Variants in CCDC18 observed in about 807,000 individuals in gnomAD.
CCDC18 encodes coiled-coil domain-containing protein 18.
CCDC18 carries 157 observed loss-of-function variants against 196.0 expected under a neutral mutation model. The ratio of observed to expected loss-of-function variants is 0.80; its 90% CI spans 0.70 to 0.91. CCDC18 has a LOEUF of 0.91. Among genes scored for constraint, CCDC18 ranks in the 40% least tolerant of loss-of-function variants. The pLI, the probability that CCDC18 is intolerant of heterozygous loss-of-function variation, is 0.00. For missense variants in CCDC18, 1,465 were observed against 1,611.6 expected (o/e 0.91, Z 1.56); for synonymous variants, 482 against 529.2 (o/e 0.91, Z 1.22).
rs564432513 is a variant in CCDC18 at position 93,248,424 on chromosome 1, A to G, written c.3198+1470A>G. ...TTTAATTTTAATATGAAATTATTAT[A>G]TGGTTTTTGTCCTTGATTCTGTTGA... On this transcript the variant is annotated intron_variant, in intron 23 of 28. Coordinates refer to ENST00000690025, the MANE Select transcript of CCDC18 (RefSeq NM_001378204.1). Among the ~76,000 whole-genome samples the G allele has an allele frequency of 5.3e-4, 80 of 152,284 alleles. 1 individual carries two copies. The highest frequency in any genetic ancestry group is 5.6e-4 in the Non-Finnish European group (38 of 68,026).
intron 28 of CCDC18, among the ~76,000 whole-genome samples, chr1:93,277,392 A>G (rs368595138): frequency 0.028 from 1,932 of 68,778 alleles, 50 homozygotes; most frequent in African/African-American, 0.052. Flanking sequence ...ATTTCAGACT[A>G]TCACATGGGG....
In CCDC18 at chr1:93,264,619, G is replaced by A. The variant is rs372095571; in HGVS notation, c.3685-82G>A. 136 of 759,942 alleles carry A rather than the reference G, an allele frequency of 1.8e-4. 2 individuals are homozygous for A. The East Asian group carries it at 2.1e-3, about 12-fold the overall frequency. 47.1% of individuals were successfully genotyped at this position (759,942 alleles called of 1,614,324 possible). On this transcript the variant is annotated intron_variant, in intron 26 of 28. Coordinates refer to ENST00000690025, the MANE Select transcript of CCDC18 (RefSeq NM_001378204.1). ...TTTTTTAAAGAAAAAGTAAATAAAA[G>A]TAGAAAGCATTAGACTGTTGTCGAA...
chr1:93,181,705 T>A (rs1176381338), intron 1 of CCDC18, among the ~76,000 whole-genome samples: 2 of 151,994 alleles, frequency 1.3e-5, no homozygotes, highest in Non-Finnish European at 2.9e-5. Flanking sequence ...AACCTCCGCC[T>A]CCCAGGTTCA....
At chr1:93,254,693 G>A in intron 24 of CCDC18, 79 bp downstream of exon 24, 1 of 1,345,446 alleles carries the variant, frequency 7.4e-7, no homozygotes, top group Admixed American at 2.1e-5. Flanking sequence ...TAAACTGGTT[G>A]GTTTTAATAT....
In CCDC18 at chr1:93,192,024, C is replaced by G. The variant is rs201703475; in HGVS notation, c.487C>G (p.Gln163Glu). ...GGTTTCTATGCTTGAGTCTGCTCAACAGCAGGCAGCCAGTGTCCCAATCTT... is the reference window on the plus strand; with the variant it reads ...GGTTTCTATGCTTGAGTCTGCTCAAGAGCAGGCAGCCAGTGTCCCAATCTT... ...AKVSMLESAQ[Q>E]QAASVPILEE... Residue 163 changes from glutamine (Q) to glutamate (E), a missense_variant, in exon 5 of 29, where the codon CAG becomes GAG. Transcript: ENST00000690025. 1.2e-5 allele frequency: 19 copies of G among 1,613,358 alleles called. No homozygotes were observed. In the African/African-American group the frequency reaches 2.5e-4, roughly 22 times the overall value.
intron 23 of CCDC18, among the ~76,000 whole-genome samples, chr1:93,247,319 A>G (rs1315089467): frequency 6.6e-6 from 1 of 151,952 alleles, no homozygotes; most frequent in Non-Finnish European, 1.5e-5. Context: ...TCTTTTTCAC[A>G]TTGATTGCTT....
intron 1 of CCDC18, 28 bp from the exon 2 acceptor site, chr1:93,183,332 G>C (rs180794644): frequency 1.0e-5 from 15 of 1,467,050 alleles, no homozygotes; most frequent in Non-Finnish European, 1.4e-5. Flanking sequence ...TTTCAGACAA[G>C]GTACAAGAAA....
chr1:93,200,222 G>C (rs929134755), intron 6 of CCDC18, among the ~76,000 whole-genome samples: 2 of 151,822 alleles, frequency 1.3e-5, no homozygotes, highest in African/African-American at 4.8e-5. Context: ...CAATCCTCCT[G>C]GCTCAGCCTT....
At chr1:93,238,919 C>T (rs1347413620) in intron 19 of CCDC18, among the ~76,000 whole-genome samples, 2 of 152,148 alleles carry the variant, frequency 1.3e-5, no homozygotes, top group Non-Finnish European at 2.9e-5. Flanking sequence ...TGACTTGGCT[C>T]TCCAGTGAGT....
chr1:93,228,277 G>A (rs907220702), intron 17 of CCDC18, among the ~76,000 whole-genome samples: 1 of 152,020 alleles, frequency 6.6e-6, no homozygotes, highest in African/African-American at 2.4e-5. Flanking sequence ...AAGAAAAAAG[G>A]TCTGTCCAAT....
At chr1:93,189,345 G>A (rs1651317785) in intron 4 of CCDC18, among the ~76,000 whole-genome samples, 2 of 152,180 alleles carry the variant, frequency 1.3e-5, no homozygotes. Flanking sequence ...CATTGTGTAA[G>A]TACTACATTT....
chr1:93,251,119 A>T (rs1456488935), intron 23 of CCDC18, among the ~76,000 whole-genome samples: 2 of 152,106 alleles, frequency 1.3e-5, no homozygotes, highest in African/African-American at 4.8e-5. Flanking sequence ...TGTATCTCTC[A>T]CAGGTTTTTG....
intron 4 of CCDC18, among the ~76,000 whole-genome samples, chr1:93,191,779 T>C (rs970740407): frequency 6.6e-6 from 1 of 152,190 alleles, no homozygotes; most frequent in African/African-American, 2.4e-5. Context: ...AACTCTTCAG[T>C]TATAAGTTGA....
At chr1:93,205,745 T>G in intron 8 of CCDC18, 114 bp downstream of exon 8, 31 of 921,064 alleles carry the variant, frequency 3.4e-5, no homozygotes, top group Non-Finnish European at 4.3e-5. Flanking sequence ...TATAGAAGGA[T>G]AGGCTTCATG....
At chr1:93,257,539 T>C (rs903618161) in intron 25 of CCDC18, among the ~76,000 whole-genome samples, 1 of 151,996 alleles carries the variant, frequency 6.6e-6, no homozygotes, top group African/African-American at 2.4e-5. Context: ...GTTTCCATGG[T>C]TTAATTCAAT....
chr1:93,235,303 T>C (rs936146727), intron 18 of CCDC18, among the ~76,000 whole-genome samples: 3 of 152,102 alleles, frequency 2.0e-5, no homozygotes, highest in African/African-American at 7.2e-5. Flanking sequence ...AGCAAGAAGA[T>C]TGACTTGGAC....
At chr1:93,276,646 A>G (rs979445146) in intron 28 of CCDC18, among the ~76,000 whole-genome samples, 1 of 152,198 alleles carries the variant, frequency 6.6e-6, no homozygotes, top group Admixed American at 6.5e-5. Context: ...GAGACATGAT[A>G]ATATTTTCAA....
At chr1:93,233,159 T>C (rs78965685) in intron 18 of CCDC18, among the ~76,000 whole-genome samples, 2,307 of 152,320 alleles carry the variant, frequency 0.015, 27 homozygotes, top group Non-Finnish European at 0.024. Context: ...TTGTACCTAA[T>C]CTGAATACCT....
chr1:93,241,537 T>C (rs1570528944), intron 21 of CCDC18, among the ~76,000 whole-genome samples: 1 of 151,670 alleles, frequency 6.6e-6, no homozygotes, highest in Non-Finnish European at 1.5e-5. Flanking sequence ...GCCTGGCCAA[T>C]ATGGTGAAAC....
Sources: gnomAD v4.1 joint callset for allele counts (sites outside exome capture counted in the v4.1 genomes callset) on GRCh38, gnomAD v4.1.1 for gene constraint, MANE v1.5 for transcripts, NCBI Gene and HGNC (gene_info 2026-07-23, HGNC 2026-07-21) for gene names.